LRMDA: variants seen among roughly 807,000 people sequenced by gnomAD.
The protein encoded by LRMDA is leucine rich melanocyte differentiation associated, also known as leucine-rich melanocyte differentiation-associated protein.
In LRMDA, 18 loss-of-function variants were observed where a neutral mutation model predicts 29.8. The observed-to-expected ratio is 0.60, with a 90% CI of 0.42 to 0.90. The LOEUF is 0.90. Among genes scored for constraint, LRMDA ranks in the 40% least tolerant of loss-of-function variants. The pLI is 0.00. For synonymous variants in LRMDA, 125 were observed against 109.4 expected, an observed-to-expected ratio of 1.14 and a Z score of -0.89; for missense variants, 273 against 273.9, an observed-to-expected ratio of 1.00 and a Z score of 0.02.
At chr10:75,495,390 A>G (rs1296816564) in intron 2 of LRMDA, among the ~76,000 whole-genome samples, 3 of 148,504 alleles carry the variant, frequency 2.0e-5, no homozygotes, top group South Asian at 4.2e-4. Flanking sequence ...ACCTGCTTTT[A>G]TCGATATTAA....
intron 5 of LRMDA, among the ~76,000 whole-genome samples, chr10:76,287,346 CCCAG>C (rs1840284997): frequency 6.6e-6 from 1 of 152,090 alleles, no homozygotes; most frequent in African/African-American, 2.4e-5. Flanking sequence ...GGAATTCCTG[CCCAG>C]CCACTCTAGA....
rs560218942 is a variant in LRMDA, at chr10:75,832,372, T to A, written c.132-203636T>A. Among the ~76,000 whole-genome samples, 8 of 152,278 alleles carry A rather than the reference T, an allele frequency of 5.3e-5. 1 individual carries two copies. In the South Asian group the frequency reaches 1.7e-3, roughly 32 times the overall value. On this transcript the variant is annotated intron_variant, in intron 2 of 6. Coordinates refer to ENST00000611255, the MANE Select transcript of LRMDA (RefSeq NM_001305581.2). ...ATAATGAAAATCACCCTTGCTCCAG[T>A]TCTCAACAAGTTCCTCATCTTCATC...
At chr10:75,877,303 C>T (rs1845214294) in intron 2 of LRMDA, among the ~76,000 whole-genome samples, 1 of 152,194 alleles carries the variant, frequency 6.6e-6, no homozygotes. Flanking sequence ...GAGTTGGCCT[C>T]GTCTGTGGGC....
chr10:75,973,625 A>G (rs1018160515), intron 2 of LRMDA, among the ~76,000 whole-genome samples: 2 of 152,092 alleles, frequency 1.3e-5, no homozygotes, highest in South Asian at 2.1e-4. Context: ...TCACCATGTT[A>G]GCCAGGCTGG....
intron 2 of LRMDA, among the ~76,000 whole-genome samples, chr10:75,738,471 C>G (rs1185484350): frequency 6.6e-6 from 1 of 152,202 alleles, no homozygotes. Flanking sequence ...ATAGTGCAGT[C>G]TAATTGTGCA....
At chr10:75,680,927 C>T (rs1842015506) in intron 2 of LRMDA, among the ~76,000 whole-genome samples, 1 of 152,118 alleles carries the variant, frequency 6.6e-6, no homozygotes, top group South Asian at 2.1e-4. Context: ...CTGCAATCTT[C>T]AGTTAACGTG....
intron 2 of LRMDA, among the ~76,000 whole-genome samples, chr10:75,469,214 A>T (rs1844696592): frequency 6.6e-6 from 1 of 151,946 alleles, no homozygotes; most frequent in African/African-American, 2.4e-5. Flanking sequence ...GAGAGAGATG[A>T]TTTATGATGA....
chr10:75,598,107 A>G (rs1171706242), intron 2 of LRMDA, among the ~76,000 whole-genome samples: 1 of 152,214 alleles, frequency 6.6e-6, no homozygotes. Flanking sequence ...TTAGCAATCT[A>G]AAGTTGCTGT....
chr10:75,433,113 C>T lies in LRMDA; in HGVS notation c.30+1359C>T, dbSNP rs75648388. On this transcript the variant is annotated intron_variant, in intron 1 of 6. Transcript: ENST00000611255. Reference sequence around the variant, plus strand: ...CTTTTTTTTTCTGGGAGTTAATTTACTGCCTGGAGGGAGGGGCTGGACAAG... The same window carrying T: ...CTTTTTTTTTCTGGGAGTTAATTTATTGCCTGGAGGGAGGGGCTGGACAAG... Among the ~76,000 whole-genome samples the T allele has an allele frequency of 3.7e-3, 570 of 152,116 alleles. 3 individuals are homozygous for T. The highest frequency in any genetic ancestry group is 6.3e-3 in the Non-Finnish European group (430 of 67,992).
chr10:75,480,673 A>G (rs572429032), intron 2 of LRMDA, among the ~76,000 whole-genome samples: 3 of 152,314 alleles, frequency 2.0e-5, no homozygotes, highest in African/African-American at 7.2e-5. Context: ...TGCCATTTTC[A>G]AGGGTTTTAG....
chr10:76,197,544 A>G (rs1253546543), intron 5 of LRMDA, among the ~76,000 whole-genome samples: 2 of 152,182 alleles, frequency 1.3e-5, no homozygotes, highest in African/African-American at 4.8e-5. Flanking sequence ...ACTAATATTT[A>G]GTGGGTAGAA....
At chr10:75,479,308 C>T (rs1374661590) in intron 2 of LRMDA, among the ~76,000 whole-genome samples, 1 of 152,008 alleles carries the variant, frequency 6.6e-6, no homozygotes, top group East Asian at 1.9e-4. Context: ...GAGATTGAGA[C>T]CATCCTACAT....
At chr10:75,973,197 T>C (rs1426435007) in intron 2 of LRMDA, among the ~76,000 whole-genome samples, 2 of 152,210 alleles carry the variant, frequency 1.3e-5, no homozygotes, top group Admixed American at 1.3e-4. Context: ...TGATGAGGCA[T>C]CTGAGGCTCA....
intron 2 of LRMDA, among the ~76,000 whole-genome samples, chr10:76,029,357 A>G (rs1395784194): frequency 1.3e-5 from 2 of 152,240 alleles, no homozygotes; most frequent in Non-Finnish European, 2.9e-5. Context: ...TGAAAAAATT[A>G]TAAGCCTTGA....
intron 2 of LRMDA, among the ~76,000 whole-genome samples, chr10:75,568,713 G>A (rs1018975186): frequency 1.3e-5 from 2 of 152,130 alleles, no homozygotes; most frequent in Non-Finnish European, 2.9e-5. Context: ...GCCCCAGCTG[G>A]GTTTCTCCCA....
At chr10:75,895,541 G>A (rs763967419) in intron 2 of LRMDA, among the ~76,000 whole-genome samples, 4 of 152,148 alleles carry the variant, frequency 2.6e-5, no homozygotes, top group Non-Finnish European at 5.9e-5. Flanking sequence ...CAGAATCTAG[G>A]TTACTGTCTA....
At chr10:75,896,379 A>C (rs963823095) in intron 2 of LRMDA, among the ~76,000 whole-genome samples, 1 of 152,198 alleles carries the variant, frequency 6.6e-6, no homozygotes, top group Admixed American at 6.5e-5. Flanking sequence ...TTAGAATAGC[A>C]CTTAGCACAC....
chr10:75,961,114 C>T (rs571833751), intron 2 of LRMDA, among the ~76,000 whole-genome samples: 1 of 152,246 alleles, frequency 6.6e-6, no homozygotes, highest in Non-Finnish European at 1.5e-5. Flanking sequence ...TCTCCCATAT[C>T]TTTTCTCTTA....
chr10:75,645,052 A>G (rs1224523068), intron 2 of LRMDA, among the ~76,000 whole-genome samples: 6 of 150,586 alleles, frequency 4.0e-5, no homozygotes. Flanking sequence ...GCACGATCTC[A>G]GCTCACTGCA....
Sources: allele counts gnomAD v4.1 joint callset (sites outside exome capture counted in the v4.1 genomes callset), GRCh38; gene constraint gnomAD v4.1.1; transcripts MANE v1.5; gene names NCBI Gene and HGNC (gene_info 2026-07-23, HGNC 2026-07-21).